The following ARHGAP6 variants were observed in gnomAD, a reference collection of about 807,000 sequenced individuals.
The protein encoded by ARHGAP6 is rho GTPase-activating protein 6.
A neutral mutation model predicts 55.7 loss-of-function variants in ARHGAP6; 16 were observed. The observed-to-expected ratio is 0.29, with a 90% confidence interval of 0.19 to 0.44. The LOEUF (loss-of-function observed/expected upper bound fraction) is 0.44, where lower values mean the gene tolerates loss of function less well. ARHGAP6 is among the 20% of genes least tolerant of loss of function. The pLI is 1.00. For synonymous variants in ARHGAP6, 382 were observed against 360.9 expected, an observed-to-expected ratio of 1.06 and a Z score of -0.66; for missense variants, 698 against 808.9, an observed-to-expected ratio of 0.86 and a Z score of 1.66.
At chrX:11,638,789 C>T (rs2052443938) in intron 1 of ARHGAP6, among the ~76,000 whole-genome samples, 1 of 111,478 alleles carries the variant, frequency 9.0e-6, no homozygotes, top group Non-Finnish European at 1.9e-5. Flanking sequence ...TACTATGTAT[C>T]CACAAAAATT....
chrX:11,202,532 G>A (rs2046643382), intron 2 of ARHGAP6, among the ~76,000 whole-genome samples: 1 of 110,939 alleles, frequency 9.0e-6, no homozygotes, highest in Admixed American at 9.6e-5. Flanking sequence ...AATTGGGTGG[G>A]CATGGTGGTT....
At chrX:11,351,001 T>C (rs1171305074) in intron 1 of ARHGAP6, among the ~76,000 whole-genome samples, 3 of 109,608 alleles carry the variant, frequency 2.7e-5, no homozygotes, top group Non-Finnish European at 5.7e-5. Context: ...CCTTGAAGTA[T>C]GTCTTGGGGT....
At chrX:11,165,489 C>T (rs2046005660) in intron 9 of ARHGAP6, among the ~76,000 whole-genome samples, 1 of 111,449 alleles carries the variant, frequency 9.0e-6, no homozygotes, top group South Asian at 3.8e-4. Context: ...AGAGCAGGCA[C>T]CTTATCCCTT....
chrX:11,327,487 C>G (rs779379269), intron 1 of ARHGAP6, among the ~76,000 whole-genome samples: 317 of 111,963 alleles, frequency 2.8e-3, no homozygotes, highest in Non-Finnish European at 4.9e-3. Context: ...TGCAAAGTAT[C>G]AAATAATTTT....
At chrX:11,558,922 C>G (rs1601643573) in intron 1 of ARHGAP6, among the ~76,000 whole-genome samples, 1 of 98,573 alleles carries the variant, frequency 1.0e-5, no homozygotes, top group African/African-American at 3.7e-5. Flanking sequence ...GAGAATTCTA[C>G]AGTTAAGTCA....
At chrX:11,182,990 T>C (rs768401245) in intron 5 of ARHGAP6, among the ~76,000 whole-genome samples, 2 of 111,776 alleles carry the variant, frequency 1.8e-5, no homozygotes, top group East Asian at 5.6e-4. Flanking sequence ...TCACACTGCA[T>C]ATATATAATA....
intron 1 of ARHGAP6, among the ~76,000 whole-genome samples, chrX:11,358,481 C>G (rs568646598): frequency 1.7e-5 from 1 of 58,937 alleles, no homozygotes; most frequent in Non-Finnish European, 3.1e-5. Context: ...TTCTTTCTTT[C>G]TTTCTTTTTT....
At chrX:11,540,741 G>A in intron 1 of ARHGAP6, among the ~76,000 whole-genome samples, 1 of 112,487 alleles carries the variant, frequency 8.9e-6, no homozygotes, top group Non-Finnish European at 1.9e-5. Context: ...AGAACATGGT[G>A]AACCTTCAAA....
At chrX:11,417,059 CATAT>C (rs768174897) in intron 1 of ARHGAP6, among the ~76,000 whole-genome samples, 998 of 33,259 alleles carry the variant, frequency 0.03, 28 homozygotes, top group African/African-American at 0.048. Context: ...TGGGTGTGTA[CATAT>C]ATATATATAT....
chrX:11,181,950 TA>T (rs754110970), intron 6 of ARHGAP6, 112 bp downstream of exon 6: 65,260 of 422,030 alleles, frequency 0.15, 95 homozygotes, highest in East Asian at 0.19. Context: ...GCTTGGAGGG[TA>T]AAAAAAAAAA....
intron 2 of ARHGAP6, among the ~76,000 whole-genome samples, chrX:11,203,753 C>CTCCA (rs1360806027): frequency 1.8e-5 from 2 of 111,797 alleles, no homozygotes; most frequent in East Asian, 5.6e-4. Context: ...GTGGACCCTT[C>CTCCA]TCCACACCAA....
intron 1 of ARHGAP6, among the ~76,000 whole-genome samples, chrX:11,364,359 TAA>T (rs374839765): frequency 1.1e-5 from 1 of 93,869 alleles, no homozygotes; most frequent in African/African-American, 3.9e-5. Context: ...CTAAAAATGT[TAA>T]AAAAAAAAAA....
chrX:11,351,838 C>T (rs749584793), intron 1 of ARHGAP6, among the ~76,000 whole-genome samples: 70 of 111,699 alleles, frequency 6.3e-4, no homozygotes, highest in African/African-American at 1.8e-3. Context: ...AAATTCCTAC[C>T]GAGGCCCAAA....
At chrX:11,214,757 G>A (rs1274311833) in intron 2 of ARHGAP6, among the ~76,000 whole-genome samples, 1 of 113,268 alleles carries the variant, frequency 8.8e-6, no homozygotes, top group African/African-American at 3.2e-5. Context: ...GAGGAGTGCG[G>A]GCAGGCAGGC....
intron 1 of ARHGAP6, among the ~76,000 whole-genome samples, chrX:11,471,622 T>C (rs900035110): frequency 1.8e-5 from 2 of 112,446 alleles, no homozygotes; most frequent in South Asian, 3.6e-4. Context: ...TCATATCCTA[T>C]TGCTGGATGG....
intron 1 of ARHGAP6, among the ~76,000 whole-genome samples, chrX:11,544,747 T>C (rs1260699144): frequency 1.8e-5 from 2 of 112,189 alleles, no homozygotes; most frequent in African/African-American, 6.5e-5. Flanking sequence ...AAATTGACTC[T>C]CCATCAGCCT....
chrX:11,164,215 CTCT>C (rs1397383296), intron 9 of ARHGAP6, among the ~76,000 whole-genome samples: 3 of 112,321 alleles, frequency 2.7e-5, no homozygotes, highest in Non-Finnish European at 5.6e-5. Context: ...ATCAAAATGC[CTCT>C]TCTTTTGTGT....
At chrX:11,220,298 C>T (rs2046949471) in intron 2 of ARHGAP6, among the ~76,000 whole-genome samples, 1 of 111,054 alleles carries the variant, frequency 9.0e-6, no homozygotes, top group Non-Finnish European at 1.9e-5. Flanking sequence ...AAAGATACTC[C>T]TCGAGAAGAG....
chrX:11,550,304 G>C (rs1203242029), intron 1 of ARHGAP6, among the ~76,000 whole-genome samples: 1 of 111,744 alleles, frequency 8.9e-6, no homozygotes, highest in Non-Finnish European at 1.9e-5. Context: ...AAAAATCACT[G>C]GTTATAAAAA....
Sources: allele counts gnomAD v4.1 joint callset (sites outside exome capture counted in the v4.1 genomes callset), GRCh38; gene constraint gnomAD v4.1.1; transcripts MANE v1.5; gene names NCBI Gene and HGNC (gene_info 2026-07-23, HGNC 2026-07-21).